The following IQCJ variants were observed in gnomAD, a reference collection of about 807,000 sequenced individuals.
IQCJ encodes the protein IQ motif containing J.
In IQCJ, 9 loss-of-function variants were observed where a neutral mutation model predicts 11.0. The observed-to-expected ratio is 0.82, with a 90% CI of 0.49 to 1.43. The LOEUF is 1.43. Among genes scored for constraint, IQCJ ranks in the 40% most tolerant of loss-of-function variants. The pLI is 0.00. For synonymous variants in IQCJ, 55 were observed against 51.3 expected (o/e 1.07, Z -0.31); for missense variants, 146 against 133.2 (o/e 1.10, Z -0.47).
At chr3:159,108,006 CAAA>C (rs367862873) in intron 1 of IQCJ, among the ~76,000 whole-genome samples, 1 of 100,942 alleles carries the variant, frequency 9.9e-6, no homozygotes, top group Non-Finnish European at 1.8e-5. Context: ...TATGGTTTTC[CAAA>C]AAAAAAAAAA....
chr3:159,078,426 G>A (rs1310868687), intron 1 of IQCJ, among the ~76,000 whole-genome samples: 2 of 151,942 alleles, frequency 1.3e-5, no homozygotes, highest in Non-Finnish European at 2.9e-5. Context: ...AAGGTATTTA[G>A]GACAAGAATA....
chr3:159,236,336 A>C (rs1726589172), intron 1 of IQCJ, among the ~76,000 whole-genome samples: 3 of 150,488 alleles, frequency 2.0e-5, no homozygotes, highest in Admixed American at 6.6e-5. Context: ...TGAATCTTGC[A>C]TTTTTATTTT....
intron 1 of IQCJ, among the ~76,000 whole-genome samples, chr3:159,172,771 G>T (rs998853125): frequency 6.6e-6 from 1 of 150,934 alleles, no homozygotes; most frequent in African/African-American, 2.4e-5. Flanking sequence ...AAAGGCGGGC[G>T]GGGGGGTGGG....
chr3:159,153,687 T>C (rs1327233343), intron 1 of IQCJ, among the ~76,000 whole-genome samples: 3 of 152,226 alleles, frequency 2.0e-5, no homozygotes, highest in African/African-American at 4.8e-5. Flanking sequence ...AGTGGGCATC[T>C]GTCCTTTGTG....
intron 1 of IQCJ, among the ~76,000 whole-genome samples, chr3:159,214,894 G>A (rs533161219): frequency 3.9e-5 from 6 of 152,290 alleles, no homozygotes; most frequent in African/African-American, 1.4e-4. Context: ...TGTGTTTGGA[G>A]CCACAGGGCA....
intron 1 of IQCJ, among the ~76,000 whole-genome samples, chr3:159,214,508 G>C (rs957112311): frequency 6.6e-6 from 1 of 152,166 alleles, no homozygotes; most frequent in Admixed American, 6.5e-5. Context: ...TCAAATGAAT[G>C]TTTCAGATTC....
At chr3:159,219,919 C>A (rs1334900998) in intron 1 of IQCJ, among the ~76,000 whole-genome samples, 1 of 152,124 alleles carries the variant, frequency 6.6e-6, no homozygotes, top group Non-Finnish European at 1.5e-5. Flanking sequence ...AAGTGGGTTG[C>A]TTTCCTCTGC....
At chr3:159,090,226 C>T (rs1433336087) in intron 1 of IQCJ, among the ~76,000 whole-genome samples, 4 of 151,566 alleles carry the variant, frequency 2.6e-5, no homozygotes, top group East Asian at 1.9e-4. Context: ...CCCGGTTAGG[C>T]TGCTCGGGGG....
chr3:159,116,625 T>TATATATATAA (rs1719023040), intron 1 of IQCJ, among the ~76,000 whole-genome samples: 2 of 19,188 alleles, frequency 1.0e-4, no homozygotes, highest in Non-Finnish European at 2.0e-4. Context: ...TATATATATA[T>TATATATATAA]ATATATATAT....
chr3:159,145,010 C>T (rs1043358951), intron 1 of IQCJ, among the ~76,000 whole-genome samples: 1 of 152,092 alleles, frequency 6.6e-6, no homozygotes, highest in East Asian at 1.9e-4. Flanking sequence ...TTTTCTTTTG[C>T]TGCTGTATCA....
intron 1 of IQCJ, among the ~76,000 whole-genome samples, chr3:159,101,635 C>G (rs1717930009): frequency 6.6e-6 from 1 of 152,354 alleles, no homozygotes; most frequent in East Asian, 1.9e-4. Flanking sequence ...CTCACAGGAA[C>G]TGGCTTTAGC....
Position 159,263,596 on chromosome 3 carries a change from C to T in IQCJ, c.*865C>T, listed in dbSNP as rs1019484822. Reference sequence around the variant, plus strand: ...AAGTAATTACACAAGTATATTACTTCCAAAAATTTTTCTTTTACTTTTGGT... The same window carrying T: ...AAGTAATTACACAAGTATATTACTTTCAAAAATTTTTCTTTTACTTTTGGT... On this transcript the variant is annotated 3_prime_UTR_variant, in exon 4 of 4. Coordinates refer to ENST00000397832, the MANE Select transcript of IQCJ (RefSeq NM_001042706.3). 1 of 984,870 alleles carries T rather than the reference C, an allele frequency of 1.0e-6. No homozygotes were observed. The highest frequency in any genetic ancestry group is 1.2e-6 in the Non-Finnish European group (1 of 829,606). The allele number at this position is 984,870 out of a possible 1,614,324, so 61.0% of individuals were successfully genotyped here. A position where few individuals can be genotyped will look rare whatever the true frequency, so the allele number is the denominator to read the frequency against.
intron 1 of IQCJ, among the ~76,000 whole-genome samples, chr3:159,086,235 G>A (rs1269250329): frequency 6.6e-6 from 1 of 152,106 alleles, no homozygotes; most frequent in East Asian, 1.9e-4. Flanking sequence ...GTAGATATGT[G>A]TCGTTATTTC....
At chr3:159,143,027 T>G (rs951791405) in intron 1 of IQCJ, among the ~76,000 whole-genome samples, 2 of 152,226 alleles carry the variant, frequency 1.3e-5, no homozygotes, top group Non-Finnish European at 2.9e-5. Flanking sequence ...CCAGTCACAT[T>G]TGGGCAAACT....
intron 1 of IQCJ, among the ~76,000 whole-genome samples, chr3:159,091,884 T>G (rs1717335839): frequency 6.6e-6 from 1 of 151,804 alleles, no homozygotes. Flanking sequence ...AAAGCTATGC[T>G]TCATAGAATT....
At chr3:159,261,076 T>G (rs182441324) in intron 3 of IQCJ, among the ~76,000 whole-genome samples, 3 of 152,338 alleles carry the variant, frequency 2.0e-5, no homozygotes, top group Admixed American at 2.0e-4. Flanking sequence ...TTTTTTTTGT[T>G]ATTTATATGC....
chr3:159,122,069 TG>T (rs2108142898), intron 1 of IQCJ, among the ~76,000 whole-genome samples: 1 of 152,316 alleles, frequency 6.6e-6, no homozygotes, highest in Admixed American at 6.5e-5. Context: ...TGGGTTCTGG[TG>T]AGGACTCTCT....
intron 1 of IQCJ, among the ~76,000 whole-genome samples, chr3:159,228,932 T>G (rs1476550120): frequency 6.6e-6 from 1 of 152,254 alleles, no homozygotes; most frequent in Non-Finnish European, 1.5e-5. Context: ...CTTAATCTTC[T>G]GCACAATCTA....
chr3:159,255,933 T>C (rs1047363549), intron 3 of IQCJ, among the ~76,000 whole-genome samples: 7 of 152,142 alleles, frequency 4.6e-5, no homozygotes, highest in African/African-American at 1.7e-4. Context: ...GATGAATGTG[T>C]TCCTAAGAGC....
Sources: allele counts gnomAD v4.1 joint callset (sites outside exome capture counted in the v4.1 genomes callset), GRCh38; gene constraint gnomAD v4.1.1; transcripts MANE v1.5; gene names NCBI Gene and HGNC (gene_info 2026-07-23, HGNC 2026-07-21).